Variants in RSU1 observed in about 807,000 individuals in gnomAD.
RSU1 encodes Ras suppressor protein 1.
Under a neutral mutation model 31.1 loss-of-function variants are expected in RSU1, and 26 were observed. The ratio of observed to expected loss-of-function variants is 0.84; its 90% confidence interval spans 0.61 to 1.16. RSU1 has a LOEUF of 1.16. Among genes scored for constraint, RSU1 ranks in the 50% most tolerant of loss-of-function variants. The pLI, the probability that RSU1 is intolerant of heterozygous loss-of-function variation, is 0.00. For missense variants in RSU1, 320 were observed against 339.1 expected, an observed-to-expected ratio of 0.94 and a Z score of 0.44; for synonymous variants, 164 against 136.3, an observed-to-expected ratio of 1.20 and a Z score of -1.41.
At chr10:16,773,198 CAAAAAAAAAGAA>C (rs540845140) in intron 3 of RSU1, among the ~76,000 whole-genome samples, 92 of 131,980 alleles carry the variant, frequency 7.0e-4, no homozygotes, top group African/African-American at 2.4e-3. Flanking sequence ...GACCCTGTCT[CAAAAAAAAAGAA>C]AAAAAAAAAG....
Position 16,604,504 on chromosome 10 carries a change from C to A in RSU1, c.732-11008G>T, listed in dbSNP as rs191178772. Among the ~76,000 whole-genome samples, 4 of 152,262 alleles carry A rather than the reference C, an allele frequency of 2.6e-5. No individual in the cohort carries two copies. The South Asian group carries it at 8.3e-4, about 32-fold the overall frequency. ...CCGGCACACGCGATCCACACCTGCACGGTCCAGCTTCTGGCCAGCTCCCCT... is the reference window on the plus strand; with the variant it reads ...CCGGCACACGCGATCCACACCTGCAAGGTCCAGCTTCTGGCCAGCTCCCCT... On this transcript the variant is annotated intron_variant, in intron 8 of 8. Transcript: ENST00000345264.
intron 2 of RSU1, among the ~76,000 whole-genome samples, chr10:16,792,157 C>T (rs751854111): frequency 6.6e-6 from 1 of 152,284 alleles, no homozygotes; most frequent in South Asian, 2.1e-4. Context: ...AACTAGACTG[C>T]AATCACCAGT....
intron 2 of RSU1, among the ~76,000 whole-genome samples, chr10:16,789,818 A>G (rs1002395684): frequency 1.3e-5 from 2 of 152,222 alleles, no homozygotes; most frequent in Non-Finnish European, 2.9e-5. Flanking sequence ...CTGTTATTAA[A>G]ATTCCTAAAG....
chr10:16,595,810 A>AAAG (rs1833602509), intron 8 of RSU1, among the ~76,000 whole-genome samples: 1 of 151,794 alleles, frequency 6.6e-6, no homozygotes, highest in African/African-American at 2.4e-5. Context: ...CTACTAAAAA[A>AAAG]AAGAAAAAAT....
intron 2 of RSU1, among the ~76,000 whole-genome samples, chr10:16,816,277 C>T (rs1370865314): frequency 6.6e-6 from 1 of 152,206 alleles, no homozygotes; most frequent in Non-Finnish European, 1.5e-5. Context: ...CTGGCCCCTT[C>T]AAGTGGGACA....
intron 8 of RSU1, among the ~76,000 whole-genome samples, chr10:16,657,981 ATC>A (rs775488469): frequency 3.7e-4 from 55 of 147,194 alleles, no homozygotes; most frequent in Admixed American, 6.2e-4. Flanking sequence ...CAGAGCGAGA[ATC>A]TGTCTCAAAA....
chr10:16,671,591 T>G (rs1835105659), intron 8 of RSU1, among the ~76,000 whole-genome samples: 1 of 151,992 alleles, frequency 6.6e-6, no homozygotes, highest in Admixed American at 6.6e-5. Flanking sequence ...TGGGACTACA[T>G]GCGCATACCA....
chr10:16,660,547 C>A (rs1026713196), intron 8 of RSU1, among the ~76,000 whole-genome samples: 1 of 151,738 alleles, frequency 6.6e-6, no homozygotes, highest in Non-Finnish European at 1.5e-5. Flanking sequence ...AATTTGTCAT[C>A]CCTATGTCTT....
At chr10:16,730,693 T>C (rs1836490881) in intron 7 of RSU1, among the ~76,000 whole-genome samples, 1 of 152,132 alleles carries the variant, frequency 6.6e-6, no homozygotes, top group Non-Finnish European at 1.5e-5. Flanking sequence ...GGAGAAATTA[T>C]AAAAAATAAA....
intron 4 of RSU1, among the ~76,000 whole-genome samples, chr10:16,760,583 G>C (rs1837191949): frequency 6.6e-6 from 1 of 151,592 alleles, no homozygotes; most frequent in South Asian, 2.1e-4. Flanking sequence ...ATGTTATTAG[G>C]AAAGTCAAAA....
At chr10:16,724,249 T>C (rs1218010145) in intron 7 of RSU1, among the ~76,000 whole-genome samples, 2 of 152,194 alleles carry the variant, frequency 1.3e-5, no homozygotes, top group South Asian at 2.1e-4. Flanking sequence ...AGCTGAGACA[T>C]GCAGTTAAAC....
At chr10:16,647,502 A>C (rs1834594163) in intron 8 of RSU1, among the ~76,000 whole-genome samples, 1 of 152,252 alleles carries the variant, frequency 6.6e-6, no homozygotes. Flanking sequence ...AATATCCATC[A>C]ATTTGTGAAT....
At chr10:16,740,402 T>C (rs926325243) in intron 7 of RSU1, among the ~76,000 whole-genome samples, 4 of 152,224 alleles carry the variant, frequency 2.6e-5, no homozygotes, top group African/African-American at 7.2e-5. Flanking sequence ...TAATATTCTA[T>C]GGTGAATGAC....
At chr10:16,800,544 G>A (rs552966489) in intron 2 of RSU1, among the ~76,000 whole-genome samples, 6 of 152,184 alleles carry the variant, frequency 3.9e-5, no homozygotes, top group Admixed American at 1.3e-4. Flanking sequence ...GAAAAGCAAA[G>A]AGAAAGAAGA....
At chr10:16,695,794 G>T (rs967906016) in intron 7 of RSU1, among the ~76,000 whole-genome samples, 2 of 152,100 alleles carry the variant, frequency 1.3e-5, no homozygotes, top group African/African-American at 4.8e-5. Flanking sequence ...GGAAACTTAA[G>T]GAAATTAACT....
chr10:16,785,897 T>C lies in RSU1; in HGVS notation c.110-3813A>G, dbSNP rs377210464. 4.6e-5 allele frequency among the ~76,000 whole-genome samples: 7 copies of C among 152,302 alleles called. No individual in the cohort carries two copies. The East Asian group carries it at 1.4e-3, about 29-fold the overall frequency. ...AAGGAGGACGGGTACTTTGACACAA[T>C]GTCAATATCCTGTTCCTCACCAAAC... On this transcript the variant is annotated intron_variant, in intron 2 of 8. Transcript: ENST00000345264.
At chr10:16,679,340 G>A (rs1241104547) in intron 8 of RSU1, among the ~76,000 whole-genome samples, 3 of 152,056 alleles carry the variant, frequency 2.0e-5, no homozygotes, top group Admixed American at 6.6e-5. Context: ...TAAAATACAG[G>A]TAGTATTCAC....
intron 8 of RSU1, among the ~76,000 whole-genome samples, chr10:16,616,662 T>C (rs1184013770): frequency 6.6e-6 from 1 of 152,158 alleles, no homozygotes; most frequent in Non-Finnish European, 1.5e-5. Context: ...AAAAAGCGTA[T>C]CCACCAAGGT....
intron 2 of RSU1, among the ~76,000 whole-genome samples, chr10:16,795,700 T>C (rs974260851): frequency 5.9e-5 from 9 of 152,220 alleles, no homozygotes; most frequent in Non-Finnish European, 1.5e-5. Context: ...GCCAACTGCA[T>C]GGCATTTTAT....
Sources: allele counts gnomAD v4.1 joint callset (sites outside exome capture counted in the v4.1 genomes callset), GRCh38; gene constraint gnomAD v4.1.1; transcripts MANE v1.5; gene names NCBI Gene and HGNC (gene_info 2026-07-23, HGNC 2026-07-21).